Variants in PCDHA1 observed in about 807,000 individuals in gnomAD.
PCDHA1 encodes the protein protocadherin alpha 1.
Under a neutral mutation model 61.3 loss-of-function variants are expected in PCDHA1, and 42 were observed. That is an observed-to-expected ratio of 0.69 (90% confidence interval 0.54 to 0.89). The LOEUF (loss-of-function observed/expected upper bound fraction) is 0.89. Ranked by LOEUF, PCDHA1 falls within the 40% of genes least tolerant of loss-of-function variation. PCDHA1 has a pLI of 0.00. For missense variants in PCDHA1, 1,256 were observed against 1,235.3 expected (o/e 1.02, Z -0.25); for synonymous variants, 610 against 553.8 (o/e 1.10, Z -1.43).
chr5:140,927,260 T>G, intron 1 of PCDHA1: 2 of 1,614,070 alleles, frequency 1.2e-6, no homozygotes, highest in Non-Finnish European at 1.7e-6. Flanking sequence ...AACTCACCTC[T>G]CTTTCCTGCC....
At chr5:140,875,395 GT>G in intron 1 of PCDHA1, 1 of 1,478,260 alleles carries the variant, frequency 6.8e-7, no homozygotes, top group African/African-American at 1.4e-5. Context: ...ACAGAAAAGG[GT>G]GACTGCTCAT....
At chr5:140,922,866 G>GA (rs557650266) in intron 1 of PCDHA1, among the ~76,000 whole-genome samples, 1 of 152,096 alleles carries the variant, frequency 6.6e-6, no homozygotes. Flanking sequence ...TAGACAAGGG[G>GA]AAAAAATCCA....
intron 1 of PCDHA1, chr5:140,825,410 T>C (rs1554130230): frequency 6.8e-6 from 1 of 146,528 alleles, no homozygotes; most frequent in Non-Finnish European, 1.5e-5. Flanking sequence ...TTATATATTT[T>C]ATATAATATA....
At chr5:140,869,188 G>A (rs200563745) in intron 1 of PCDHA1, 5 of 1,613,828 alleles carry the variant, frequency 3.1e-6, no homozygotes, top group African/African-American at 2.7e-5. Context: ...GGTGGGGAGC[G>A]GCCAGCTCCA....
At chr5:140,993,078 A>G (rs1373767899) in intron 3 of PCDHA1, among the ~76,000 whole-genome samples, 2 of 152,212 alleles carry the variant, frequency 1.3e-5, no homozygotes, top group Non-Finnish European at 2.9e-5. Flanking sequence ...GCAGTCTGCA[A>G]TCAGCAGGGC....
rs529738408 is a variant in PCDHA1 at position 140,807,767 on chromosome 5, C to A, written c.2394+19083C>A. The A allele has an allele frequency of 2.4e-5, 38 of 1,614,130 alleles. No individual in the cohort carries two copies. The South Asian group carries it at 3.8e-4, about 16-fold the overall frequency. ...TGACGAGCTGGTAAAAGGTCTTGGG[C>A]TTATATTACGGAAATCTTTAGACAG... On this transcript the variant is annotated intron_variant, in intron 1 of 3. Transcript: ENST00000504120.
At chr5:140,970,762 A>C (rs2096431667) in intron 1 of PCDHA1, among the ~76,000 whole-genome samples, 1 of 152,198 alleles carries the variant, frequency 6.6e-6, no homozygotes, top group Admixed American at 6.5e-5. Context: ...TCATTGACAT[A>C]TTGCTGTACA....
chr5:140,860,511 C>T (rs2046428748), intron 1 of PCDHA1: 2 of 152,066 alleles, frequency 1.3e-5, no homozygotes, highest in Non-Finnish European at 2.9e-5. Flanking sequence ...CAAGATAAAA[C>T]TCTTCATGGA....
chr5:140,920,029 T>C (rs1584162393), intron 1 of PCDHA1, among the ~76,000 whole-genome samples: 1 of 152,118 alleles, frequency 6.6e-6, no homozygotes, highest in African/African-American at 2.4e-5. Flanking sequence ...GAGACAGAGA[T>C]TGGAGTGATG....
chr5:140,814,945 C>T (rs1300851888), intron 1 of PCDHA1: 1 of 152,130 alleles, frequency 6.6e-6, no homozygotes, highest in Non-Finnish European at 1.5e-5. Context: ...TAATGTCCTT[C>T]TTTGTCTCTT....
At chr5:140,801,288 C>T (rs1554121357) in intron 1 of PCDHA1, 1 of 1,613,524 alleles carries the variant, frequency 6.2e-7, no homozygotes, top group South Asian at 1.1e-5. Flanking sequence ...GAGCGGCCAG[C>T]TCCACTACTC....
Position 140,899,097 on chromosome 5 carries a change from T to C in PCDHA1, c.2395-79852T>C, listed in dbSNP as rs1160754058. Among the ~76,000 whole-genome samples the C allele has an allele frequency of 9.8e-3, 1,481 of 151,828 alleles. 12 individuals carry two copies. The highest frequency in any genetic ancestry group is 0.026 in the African/African-American group (1,065 of 41,212). ...AGCTTAAGGAGATTTTGGGCTGAGATAATGGGGTTTTCTAGATATACAATC... is the reference window on the plus strand; with the variant it reads ...AGCTTAAGGAGATTTTGGGCTGAGACAATGGGGTTTTCTAGATATACAATC... On this transcript the variant is annotated intron_variant, in intron 1 of 3. Transcript: ENST00000504120.
chr5:140,972,515 G>A (rs572041832), intron 1 of PCDHA1, among the ~76,000 whole-genome samples: 1 of 152,166 alleles, frequency 6.6e-6, no homozygotes, highest in South Asian at 2.1e-4. Flanking sequence ...TTTACCCCCA[G>A]TGAGCTTATT....
intron 1 of PCDHA1, chr5:140,849,616 T>G: frequency 6.3e-7 from 1 of 1,598,694 alleles, no homozygotes; most frequent in South Asian, 1.1e-5. Context: ...CTGATTAGTG[T>G]GATCGACCTA....
intron 1 of PCDHA1, chr5:140,870,842 T>G (rs781830221): frequency 6.2e-7 from 1 of 1,613,798 alleles, no homozygotes; most frequent in Non-Finnish European, 8.5e-7. Flanking sequence ...AACAAGCTAG[T>G]ACCGCGGTCG....
intron 1 of PCDHA1, among the ~76,000 whole-genome samples, chr5:140,832,930 G>T (rs537948111): frequency 6.6e-6 from 1 of 152,150 alleles, no homozygotes; most frequent in Non-Finnish European, 1.5e-5. Context: ...GTATTCATGA[G>T]AAGAGAGTAA....
intron 1 of PCDHA1, among the ~76,000 whole-genome samples, chr5:140,976,124 C>G (rs1554237320): frequency 6.6e-6 from 1 of 152,158 alleles, no homozygotes. Flanking sequence ...CAAGTTTAAT[C>G]AAGTTCTGGA....
At position 140,796,271 on chromosome 5, in the gene PCDHA1, G is replaced by A. The variant is rs200076458; in HGVS notation, c.2394+7587G>A. On this transcript the variant is annotated intron_variant, in intron 1 of 3. Coordinates refer to ENST00000504120, the MANE Select transcript of PCDHA1 (RefSeq NM_018900.4). Reference sequence around the variant, plus strand: ...CGGGACGGGGGCTCGCCTTCACTGTGGGCCACCACCAGCGTGTCCATCGAG... The same window carrying A: ...CGGGACGGGGGCTCGCCTTCACTGTAGGCCACCACCAGCGTGTCCATCGAG... 1,202 of 1,614,126 alleles carry A rather than the reference G, an allele frequency of 7.4e-4. 18 individuals carry two copies. The South Asian group carries it at 0.012, about 16-fold the overall frequency.
chr5:140,821,556 G>C (rs1766999571), intron 1 of PCDHA1: 1 of 514,542 alleles, frequency 1.9e-6, no homozygotes, highest in African/African-American at 1.9e-5. Context: ...TCCACATGAT[G>C]TCGCTGGACA....
Sources: gnomAD v4.1 joint callset for allele counts (sites outside exome capture counted in the v4.1 genomes callset) on GRCh38, gnomAD v4.1.1 for gene constraint, MANE v1.5 for transcripts, NCBI Gene and HGNC (gene_info 2026-07-23, HGNC 2026-07-21) for gene names.